Variants in SPIDR observed in about 807,000 individuals in gnomAD.
The protein encoded by SPIDR is DNA repair-scaffolding protein.
A neutral mutation model predicts 104.6 loss-of-function variants in SPIDR; 93 were observed. The observed-to-expected ratio is 0.89, with a 90% CI of 0.75 to 1.06. The LOEUF is 1.06. SPIDR is among the 50% of genes least tolerant of loss of function. The pLI, the probability that SPIDR is intolerant of heterozygous loss-of-function variation, is 0.00. For missense variants in SPIDR, 1,154 were observed against 1,111.2 expected (o/e 1.04, Z -0.55); for synonymous variants, 431 against 416.9 (o/e 1.03, Z -0.41).
chr8:47,531,848 G>A (rs1274748357), intron 8 of SPIDR, among the ~76,000 whole-genome samples: 1 of 151,826 alleles, frequency 6.6e-6, no homozygotes, highest in African/African-American at 2.4e-5. Flanking sequence ...TGTGGCATAC[G>A]ACAAAAATTA....
At chr8:47,592,265 C>A in intron 8 of SPIDR, 3 of 1,220,456 alleles carry the variant, frequency 2.5e-6, no homozygotes. Context: ...ATTGGGAGCA[C>A]ATAACAAGGC....
intron 7 of SPIDR, 102 bp from the exon 8 acceptor site, chr8:47,440,221 G>C (rs1772196636): frequency 1.0e-6 from 1 of 969,354 alleles, no homozygotes; most frequent in Admixed American, 2.3e-5. Flanking sequence ...CAGGTGAAGA[G>C]TGCTATCTGC....
intron 8 of SPIDR, among the ~76,000 whole-genome samples, chr8:47,551,193 C>T (rs2090404011): frequency 6.6e-6 from 1 of 152,138 alleles, no homozygotes; most frequent in African/African-American, 2.4e-5. Flanking sequence ...TGAGGATTTT[C>T]ACATGGATGT....
intron 8 of SPIDR, chr8:47,511,940 C>T (rs1476926933): frequency 1.3e-6 from 1 of 792,538 alleles, no homozygotes; most frequent in African/African-American, 1.7e-5. Context: ...ACTCTATTAT[C>T]ACTAGGGGCT....
At chr8:47,639,182 C>G (rs2068444043) in intron 10 of SPIDR, among the ~76,000 whole-genome samples, 1 of 152,222 alleles carries the variant, frequency 6.6e-6, no homozygotes, top group Non-Finnish European at 1.5e-5. Flanking sequence ...TGAAATGACA[C>G]TAACAGTACA....
At chr8:47,266,185 A>G (rs2033974680) in intron 1 of SPIDR, among the ~76,000 whole-genome samples, 1 of 144,236 alleles carries the variant, frequency 6.9e-6, no homozygotes, top group Non-Finnish European at 1.5e-5. Context: ...GCTGGAGTGC[A>G]ATAGCGCGAT....
intron 10 of SPIDR, among the ~76,000 whole-genome samples, chr8:47,644,879 C>T (rs9298440): frequency 5.0e-4 from 76 of 152,220 alleles, no homozygotes; most frequent in African/African-American, 1.4e-3. Context: ...GAGTCAGCCA[C>T]GAAAAGCTCC....
At chr8:47,544,213 T>A (rs181251965) in intron 8 of SPIDR, among the ~76,000 whole-genome samples, 2 of 152,326 alleles carry the variant, frequency 1.3e-5, no homozygotes, top group African/African-American at 4.8e-5. Flanking sequence ...AAATATGTGT[T>A]CTTGTTTTTT....
intron 4 of SPIDR, 47 bp from the exon 5 acceptor site, chr8:47,293,820 G>A: frequency 2.0e-6 from 3 of 1,527,538 alleles, no homozygotes; most frequent in Non-Finnish European, 2.7e-6. Context: ...ATATAAAAGT[G>A]AAAGATTAAG....
chr8:47,689,967 A>G (rs1436843637), intron 11 of SPIDR, among the ~76,000 whole-genome samples: 1 of 152,222 alleles, frequency 6.6e-6, no homozygotes, highest in African/African-American at 2.4e-5. Context: ...AGGGGAGGCT[A>G]CTTGATGTGT....
chr8:47,701,533 T>C (rs985039025), intron 12 of SPIDR, among the ~76,000 whole-genome samples, 188 bp from the exon 13 acceptor site: 2 of 152,248 alleles, frequency 1.3e-5, no homozygotes, highest in Non-Finnish European at 2.9e-5. Flanking sequence ...AATAGGTTCA[T>C]AAGTATGGAA....
rs1001428621 is a variant in SPIDR, at chr8:47,564,345, G to A, written c.1098-31466G>A. Reference sequence around the variant, plus strand: ...GCCCGGCTCAGCCTCCCAAAGTGCTGGGATTACAGGCATGAGCCACCACGC... The same window carrying A: ...GCCCGGCTCAGCCTCCCAAAGTGCTAGGATTACAGGCATGAGCCACCACGC... On this transcript the variant is annotated intron_variant, in intron 8 of 19. Transcript: ENST00000297423. Among the ~76,000 whole-genome samples the A allele has an allele frequency of 2.6e-5, 4 of 152,014 alleles. 1 individual carries two copies. The highest frequency in any genetic ancestry group is 4.2e-4 in the South Asian group (2 of 4,818).
intron 10 of SPIDR, among the ~76,000 whole-genome samples, chr8:47,611,118 CCTTCT>C: frequency 6.6e-6 from 1 of 152,200 alleles, no homozygotes; most frequent in East Asian, 1.9e-4. Flanking sequence ...TTGTGGCTCC[CCTTCT>C]CTTCTCAGGA....
chr8:47,549,549 T>C (rs1261272313), intron 8 of SPIDR, among the ~76,000 whole-genome samples: 2 of 152,242 alleles, frequency 1.3e-5, no homozygotes. Context: ...CATATGTCTG[T>C]TGGCTGCATA....
At chr8:47,329,981 C>T (rs369286069) in intron 5 of SPIDR, among the ~76,000 whole-genome samples, 64 of 152,254 alleles carry the variant, frequency 4.2e-4, no homozygotes, top group African/African-American at 1.3e-3. Context: ...AAAACAAATA[C>T]GCACATATGC....
At chr8:47,678,023 G>A (rs552006330) in intron 11 of SPIDR, among the ~76,000 whole-genome samples, 6 of 150,386 alleles carry the variant, frequency 4.0e-5, no homozygotes, top group South Asian at 2.1e-4. Flanking sequence ...GGGCAACATA[G>A]TGAGACCTCC....
At chr8:47,511,031 G>A (rs1564187242) in intron 8 of SPIDR, 12 of 817,092 alleles carry the variant, frequency 1.5e-5, no homozygotes, top group Non-Finnish European at 2.6e-5. Flanking sequence ...TGCCTGGGCA[G>A]TTAGGTTCAC....
At chr8:47,700,099 G>C (rs1432646347) in intron 11 of SPIDR, among the ~76,000 whole-genome samples, 5 of 152,174 alleles carry the variant, frequency 3.3e-5, no homozygotes, top group African/African-American at 1.2e-4. Flanking sequence ...TTTCTTAGCA[G>C]GGTATCACAA....
chr8:47,370,391 A>T (rs1019081020), intron 5 of SPIDR, among the ~76,000 whole-genome samples: 1 of 149,606 alleles, frequency 6.7e-6, no homozygotes, highest in Non-Finnish European at 1.5e-5. Flanking sequence ...TGCTGTTGTT[A>T]TTTAGAGATC....
Sources: allele counts gnomAD v4.1 joint callset (sites outside exome capture counted in the v4.1 genomes callset), GRCh38; gene constraint gnomAD v4.1.1; transcripts MANE v1.5; gene names NCBI Gene and HGNC (gene_info 2026-07-23, HGNC 2026-07-21).